The following DGKB variants were observed in gnomAD, a reference collection of about 807,000 sequenced individuals.
DGKB encodes 90 kDa diacylglycerol kinase.
Under a neutral mutation model 114.3 loss-of-function variants are expected in DGKB, and 67 were observed. The observed-to-expected ratio is 0.59, with a 90% CI of 0.48 to 0.72. The LOEUF (loss-of-function observed/expected upper bound fraction) is 0.72. Among genes scored for constraint, DGKB ranks in the 30% least tolerant of loss-of-function variants. DGKB has a pLI of 0.00. For synonymous variants in DGKB, 398 were observed against 323.1 expected (o/e 1.23, Z -2.49); for missense variants, 907 against 975.2 (o/e 0.93, Z 0.93).
chr7:14,747,386 C>T (rs1439481711), intron 4 of DGKB, among the ~76,000 whole-genome samples: 2 of 151,416 alleles, frequency 1.3e-5, no homozygotes, highest in African/African-American at 4.9e-5. Flanking sequence ...TTTTCTAACT[C>T]AGAGTTTTCA....
intron 25 of DGKB, among the ~76,000 whole-genome samples, chr7:14,170,201 G>GAAAGAAAGAAAGAAAGAAAGAAAGAAAT (rs1554272246): frequency 2.8e-5 from 4 of 142,676 alleles, no homozygotes; most frequent in Admixed American, 1.4e-4. Flanking sequence ...AAGAAAGAAA[G>GAAAGAAAGAAAGAAAGAAAGAAAGAAAT]AAATACATTA....
intron 20 of DGKB, among the ~76,000 whole-genome samples, chr7:14,505,568 C>T (rs1048681750): frequency 1.3e-5 from 2 of 152,162 alleles, no homozygotes; most frequent in Non-Finnish European, 2.9e-5. Flanking sequence ...GTTTTGAAAA[C>T]ACTGGATCCA....
chr7:14,278,817 TA>T (rs1471344387), intron 23 of DGKB, among the ~76,000 whole-genome samples: 1 of 152,056 alleles, frequency 6.6e-6, no homozygotes, highest in Non-Finnish European at 1.5e-5. Context: ...AGAAAATAAA[TA>T]ACCCAATTAA....
chr7:14,232,412 AG>A (rs1792044543), intron 23 of DGKB, among the ~76,000 whole-genome samples: 2 of 151,238 alleles, frequency 1.3e-5, no homozygotes, highest in African/African-American at 2.4e-5. Context: ...CAGGGGTTAA[AG>A]GTTGGCTTAT....
chr7:14,465,664 G>T (rs926306091), intron 21 of DGKB, among the ~76,000 whole-genome samples: 2 of 152,116 alleles, frequency 1.3e-5, no homozygotes, highest in African/African-American at 4.8e-5. Context: ...ATGGAGAGAG[G>T]AGAAATTTTC....
At chr7:14,943,657 T>A (rs1243124402) in intron 1 of DGKB, among the ~76,000 whole-genome samples, 1 of 125,830 alleles carries the variant, frequency 7.9e-6, no homozygotes, top group African/African-American at 2.7e-5. Context: ...CACATATATA[T>A]ATCTCCTGTG....
chr7:14,851,121 A>G (rs1445635093), intron 1 of DGKB, among the ~76,000 whole-genome samples: 1 of 152,186 alleles, frequency 6.6e-6, no homozygotes, highest in African/African-American at 2.4e-5. Flanking sequence ...ACATATATAC[A>G]GTACATATAC....
chr7:14,258,156 G>T (rs1430272736), intron 23 of DGKB, among the ~76,000 whole-genome samples: 1 of 152,152 alleles, frequency 6.6e-6, no homozygotes, highest in Non-Finnish European at 1.5e-5. Flanking sequence ...CTGTGAAAGG[G>T]ATTAATATAA....
chr7:14,537,151 C>T (rs976316591), intron 20 of DGKB, among the ~76,000 whole-genome samples: 1 of 152,086 alleles, frequency 6.6e-6, no homozygotes, highest in Admixed American at 6.5e-5. Context: ...TTAAAACCCT[C>T]ATAAAAGAAA....
At chr7:14,232,408 T>TTAAA (rs1792042134) in intron 23 of DGKB, among the ~76,000 whole-genome samples, 1 of 150,958 alleles carries the variant, frequency 6.6e-6, no homozygotes, top group Admixed American at 6.6e-5. Context: ...TCTTCAGGGG[T>TTAAA]TAAAGGTTGG....
intron 23 of DGKB, among the ~76,000 whole-genome samples, chr7:14,304,107 A>C (rs1804062584): frequency 6.6e-5 from 5 of 75,968 alleles, no homozygotes; most frequent in African/African-American, 1.3e-4. Context: ...TCTCACCCCT[A>C]CCTCAAGCAA....
At chr7:14,878,672 C>A (rs962501921) in intron 1 of DGKB, among the ~76,000 whole-genome samples, 2 of 148,714 alleles carry the variant, frequency 1.3e-5, no homozygotes, top group Non-Finnish European at 3.0e-5. Flanking sequence ...TGGCGTGAAC[C>A]CGGGAGGCGG....
upstream of DGKB, among the ~76,000 whole-genome samples, chr7:14,905,570 T>G (rs77294333): frequency 1.1e-4 from 17 of 152,282 alleles, no homozygotes; most frequent in East Asian, 1.7e-3. Flanking sequence ...TACTCATTCC[T>G]CAACATAATC....
chr7:14,873,796 A>C (rs1361425939), intron 1 of DGKB, among the ~76,000 whole-genome samples: 1 of 152,040 alleles, frequency 6.6e-6, no homozygotes, highest in Non-Finnish European at 1.5e-5. Flanking sequence ...GTCTGAATTA[A>C]GTGAAAATTA....
chr7:14,820,323 C>T (rs1261603864), intron 2 of DGKB, among the ~76,000 whole-genome samples: 3 of 152,068 alleles, frequency 2.0e-5, no homozygotes, highest in Admixed American at 6.6e-5. Context: ...GTTAAATAAA[C>T]TTGGAATTTA....
chr7:14,275,110 G>T (rs939059476), intron 23 of DGKB, among the ~76,000 whole-genome samples: 1 of 151,994 alleles, frequency 6.6e-6, no homozygotes, highest in Admixed American at 6.6e-5. Context: ...TCACCTCTGG[G>T]CAGAAATAAT....
chr7:14,636,267 C>T (rs898565648), intron 13 of DGKB, among the ~76,000 whole-genome samples: 1 of 151,650 alleles, frequency 6.6e-6, no homozygotes, highest in African/African-American at 2.4e-5. Context: ...AGACTCTTTT[C>T]CCCCGACCAT....
At chr7:14,844,308 T>C (rs1164662284) in intron 1 of DGKB, among the ~76,000 whole-genome samples, 1 of 152,194 alleles carries the variant, frequency 6.6e-6, no homozygotes, top group Non-Finnish European at 1.5e-5. Context: ...AACTTTAATA[T>C]GGAGGCTATG....
In DGKB at chr7:14,360,255, T is replaced by C. The variant is rs1004294801; in HGVS notation, c.1836-14864A>G. On this transcript the variant is annotated intron_variant, in intron 21 of 25. Coordinates refer to ENST00000402815, the MANE Select transcript of DGKB (RefSeq NM_001350709.2). ...ACATGTTCTCACTCACAGGTGGGAA[T>C]TGAACAATGAGAACACTTGGACACA... Among the ~76,000 whole-genome samples the C allele has an allele frequency of 8.6e-5, 13 of 152,032 alleles. No homozygotes were observed. In the East Asian group the frequency reaches 1.4e-3, roughly 16 times the overall value.
Sources: allele counts gnomAD v4.1 joint callset (sites outside exome capture counted in the v4.1 genomes callset), GRCh38; gene constraint gnomAD v4.1.1; transcripts MANE v1.5; gene names NCBI Gene and HGNC (gene_info 2026-07-23, HGNC 2026-07-21).